The following RAD51C variants were observed in gnomAD, a reference collection of about 807,000 sequenced individuals.
RAD51C encodes the protein DNA repair protein RAD51 homolog 3.
RAD51C carries 42 observed loss-of-function variants against 45.0 expected under a neutral mutation model. The observed-to-expected ratio is 0.93, with a 90% CI of 0.73 to 1.21. The LOEUF (loss-of-function observed/expected upper bound fraction) is 1.21, where lower values mean the gene tolerates loss of function less well. Ranked by LOEUF, RAD51C falls within the 50% of genes most tolerant of loss-of-function variation. The pLI, the probability that RAD51C is intolerant of heterozygous loss-of-function variation, is 0.00. For synonymous variants in RAD51C, 172 were observed against 159.8 expected, an observed-to-expected ratio of 1.08 and a Z score of -0.58; for missense variants, 474 against 452.2, an observed-to-expected ratio of 1.05 and a Z score of -0.44.
chr17:58,695,223 T>G, intron 2 of RAD51C, 34 bp downstream of exon 2: 1 of 1,588,740 alleles, frequency 6.3e-7, no homozygotes, highest in Non-Finnish European at 8.6e-7. Flanking sequence ...AAGGGTGGGT[T>G]TAATAACATA....
intron 1 of RAD51C, 69 bp downstream of exon 1, chr17:58,692,857 C>G (rs2047827807): frequency 1.2e-6 from 2 of 1,608,810 alleles, no homozygotes; most frequent in Non-Finnish European, 1.7e-6. Context: ...TTCGTTCTCT[C>G]GCCTCGGCCT....
chr17:58,698,989 A>G (rs1398204790), intron 3 of RAD51C, among the ~76,000 whole-genome samples: 1 of 151,272 alleles, frequency 6.6e-6, no homozygotes, highest in Non-Finnish European at 1.5e-5. Flanking sequence ...TAAATGGCTT[A>G]TGGGTTGACT....
rs138056399 is a variant in RAD51C at position 58,723,570 on chromosome 17, A to G, written c.905-470A>G. 1.2e-3 allele frequency among the ~76,000 whole-genome samples: 178 copies of G among 152,180 alleles called. 1 individual carries two copies. The highest frequency in any genetic ancestry group is 4.1e-3 in the African/African-American group (169 of 41,544). ...TTGCTTATTTCTAGCCTTTATATAA[A>G]TAGAATTATACTGTATATGACTGAC... On this transcript the variant is annotated intron_variant, in intron 6 of 8. Transcript: ENST00000337432.
intron 7 of RAD51C, among the ~76,000 whole-genome samples, chr17:58,731,934 A>G (rs539498191): frequency 7.9e-5 from 12 of 152,252 alleles, no homozygotes; most frequent in South Asian, 6.2e-4. Context: ...TGGGTGTAAT[A>G]TGAGTAAGTG....
At chr17:58,699,146 A>G (rs1181023174) in intron 3 of RAD51C, among the ~76,000 whole-genome samples, 1 of 151,486 alleles carries the variant, frequency 6.6e-6, no homozygotes, top group East Asian at 2.0e-4. Context: ...AGCTGGGACT[A>G]CGGGCATGTG....
chr17:58,709,041 A>G (rs530340344), intron 4 of RAD51C, among the ~76,000 whole-genome samples: 2 of 151,776 alleles, frequency 1.3e-5, no homozygotes, highest in South Asian at 4.2e-4. Flanking sequence ...AAGACTGTGT[A>G]CAGTGGCAAG....
At chr17:58,699,142 G>A (rs191208671) in intron 3 of RAD51C, among the ~76,000 whole-genome samples, 2 of 151,818 alleles carry the variant, frequency 1.3e-5, no homozygotes, top group Non-Finnish European at 2.9e-5. Flanking sequence ...GAGTAGCTGG[G>A]ACTACGGGCA....
chr17:58,720,712 A>G, intron 5 of RAD51C, 34 bp from the exon 6 acceptor site: 1 of 1,516,684 alleles, frequency 6.6e-7, no homozygotes, highest in South Asian at 1.1e-5. Context: ...TTTCAAAGAG[A>G]CTCACCTAAT....
chr17:58,732,694 G>A, intron 8 of RAD51C, 150 bp downstream of exon 8: 1 of 733,066 alleles, frequency 1.4e-6, no homozygotes, highest in South Asian at 1.5e-5. Context: ...CCCCAAAATA[G>A]TAGTATATAC....
chr17:58,697,076 G>A (rs2048043653), intron 3 of RAD51C, among the ~76,000 whole-genome samples: 3 of 152,156 alleles, frequency 2.0e-5, no homozygotes, highest in Admixed American at 2.0e-4. Context: ...ACTTCTTCCT[G>A]TAGGAGCTTT....
intron 3 of RAD51C, 99 bp downstream of exon 3, chr17:58,696,958 G>A: frequency 1.5e-6 from 2 of 1,351,576 alleles, no homozygotes; most frequent in South Asian, 1.2e-5. Flanking sequence ...GGAATGTGAA[G>A]CCTAATTACT....
intron 5 of RAD51C, among the ~76,000 whole-genome samples, chr17:58,713,984 CT>C (rs768071674): frequency 1.8e-3 from 257 of 144,584 alleles, no homozygotes; most frequent in Middle Eastern, 3.6e-3. Context: ...TGGTCTCTCT[CT>C]TTTTTTTTTT....
At chr17:58,696,066 C>G (rs1294393978) in intron 2 of RAD51C, among the ~76,000 whole-genome samples, 1 of 131,840 alleles carries the variant, frequency 7.6e-6, no homozygotes, top group Admixed American at 7.7e-5. Flanking sequence ...GACTCTGTCT[C>G]AAAAGAAAAA....
intron 2 of RAD51C, 60 bp from the exon 3 acceptor site, chr17:58,696,633 C>T: frequency 1.2e-6 from 2 of 1,608,614 alleles, no homozygotes; most frequent in East Asian, 4.5e-5. Context: ...ATCTGGAGTT[C>T]AAAAACACTA....
chr17:58,732,901 A>G (rs2049491708), intron 8 of RAD51C: 1 of 233,726 alleles, frequency 4.3e-6, no homozygotes, highest in African/African-American at 2.3e-5. Flanking sequence ...GATCTATTGT[A>G]GCACCAAATA....
chr17:58,717,734 T>C (rs1384618203), intron 5 of RAD51C, among the ~76,000 whole-genome samples: 4 of 151,992 alleles, frequency 2.6e-5, no homozygotes, highest in Non-Finnish European at 5.9e-5. Context: ...AGACCTTGTC[T>C]CAAAGAAAAA....
chr17:58,716,429 A>T (rs949186413), intron 5 of RAD51C, among the ~76,000 whole-genome samples: 1 of 152,082 alleles, frequency 6.6e-6, no homozygotes, highest in Non-Finnish European at 1.5e-5. Flanking sequence ...AGCTAATACT[A>T]CTGAGCTACT....
At chr17:58,709,092 CTTTTT>C (rs34570887) in intron 4 of RAD51C, among the ~76,000 whole-genome samples, 3 of 117,050 alleles carry the variant, frequency 2.6e-5, no homozygotes, top group Non-Finnish European at 3.4e-5. Context: ...TTTTGAATTA[CTTTTT>C]TTTTTTTTTT....
rs1466185247 is a variant in RAD51C at position 58,709,971 on chromosome 17, CA to C, written c.821del (p.Asn274IlefsTer5). 6.2e-7 allele frequency: 1 copy of C among 1,612,838 alleles called. No individual in the cohort carries two copies. Among genetic ancestry groups the C allele is most frequent in the Non-Finnish European group, 8.5e-7 (1 of 1,178,990 alleles). The stretch of plus-strand genomic sequence containing the variant: ...CTAGCCCAGCAAATGATCAGCCTTG[CA>C]AATAATCACAGATTAGCTGTAAGTA... Reference protein sequence around the residue: ...NGLAQQMISLANNHRLAVILT... With the variant: ...NGLAQQMISLXNNHRLAVILT... On this transcript the variant is annotated frameshift_variant, in exon 5 of 9. Coordinates refer to ENST00000337432, the MANE Select transcript of RAD51C (RefSeq NM_058216.3). LOFTEE classifies it high-confidence loss of function.
Sources: gnomAD v4.1 joint callset for allele counts (sites outside exome capture counted in the v4.1 genomes callset) on GRCh38, gnomAD v4.1.1 for gene constraint, MANE v1.5 for transcripts, NCBI Gene and HGNC (gene_info 2026-07-23, HGNC 2026-07-21) for gene names.